The following ASIC5 variants were observed in gnomAD, a reference collection of about 807,000 sequenced individuals.
ASIC5 encodes the protein bile acid-sensitive ion channel.
A neutral mutation model predicts 51.2 loss-of-function variants in ASIC5; 52 were observed. That is an observed-to-expected ratio of 1.02 (90% CI 0.81 to 1.28). The LOEUF is 1.28. Ranked by LOEUF, ASIC5 falls within the 50% of genes most tolerant of loss-of-function variation. The pLI is 0.00. For synonymous variants in ASIC5, 231 were observed against 200.7 expected (o/e 1.15, Z -1.28); for missense variants, 635 against 595.0 (o/e 1.07, Z -0.70).
At chr4:155,856,734 T>G (rs1741551312) in intron 2 of ASIC5, among the ~76,000 whole-genome samples, 1 of 152,108 alleles carries the variant, frequency 6.6e-6, no homozygotes, top group Admixed American at 6.6e-5. Flanking sequence ...ACCTCCAAGC[T>G]ACTTCAGGTT....
intron 4 of ASIC5, among the ~76,000 whole-genome samples, chr4:155,850,559 CCT>C (rs1272296476): frequency 5.9e-5 from 9 of 151,946 alleles, no homozygotes; most frequent in Non-Finnish European, 1.0e-4. Flanking sequence ...TTGCTTAAGA[CCT>C]CTATAGTTTT....
At chr4:155,840,523 T>A (rs1231615308) in intron 6 of ASIC5, among the ~76,000 whole-genome samples, 1 of 149,834 alleles carries the variant, frequency 6.7e-6, no homozygotes, top group Non-Finnish European at 1.5e-5. Context: ...TTACTTTTAT[T>A]ATTACATTGA....
chr4:155,838,901 T>A, intron 6 of ASIC5, 32 bp from the exon 7 acceptor site: 1 of 1,266,694 alleles, frequency 7.9e-7, no homozygotes, highest in South Asian at 1.3e-5. Context: ...ATATAGAGAC[T>A]TTACATTTTG....
intron 2 of ASIC5, among the ~76,000 whole-genome samples, chr4:155,857,858 C>A (rs1174613104): frequency 1.3e-5 from 2 of 152,082 alleles, no homozygotes; most frequent in African/African-American, 4.8e-5. Context: ...CTAATGAAAC[C>A]TTTGTTGTGT....
intron 2 of ASIC5, chr4:155,855,404 T>A (rs1741508601): frequency 6.6e-6 from 1 of 152,084 alleles, no homozygotes; most frequent in Non-Finnish European, 1.5e-5. Flanking sequence ...AACGACTGTA[T>A]CACTTTCTAA....
chr4:155,847,462 C>T (rs1279274528), intron 4 of ASIC5, among the ~76,000 whole-genome samples: 1 of 152,042 alleles, frequency 6.6e-6, no homozygotes, highest in Non-Finnish European at 1.5e-5. Flanking sequence ...GAATTCACAC[C>T]TGTAATCCCA....
intron 8 of ASIC5, among the ~76,000 whole-genome samples, chr4:155,832,126 G>GCACC (rs1291597797): frequency 1.3e-5 from 2 of 152,112 alleles, no homozygotes; most frequent in African/African-American, 4.8e-5. Flanking sequence ...ATAATTTTCT[G>GCACC]CACCTCATTC....
chr4:155,850,691 G>A (rs79138499), intron 4 of ASIC5, among the ~76,000 whole-genome samples: 1 of 151,992 alleles, frequency 6.6e-6, no homozygotes, highest in African/African-American at 2.4e-5. Context: ...CCTCTTGGCT[G>A]TTTTCTTTGA....
At chr4:155,851,655 C>T (rs1055637592) in intron 4 of ASIC5, among the ~76,000 whole-genome samples, 39 of 152,064 alleles carry the variant, frequency 2.6e-4, no homozygotes, top group Non-Finnish European at 2.7e-4. Context: ...GAACATCTGC[C>T]TCCCAGGACT....
chr4:155,839,601 A>G (rs1741070774), intron 6 of ASIC5, among the ~76,000 whole-genome samples: 1 of 152,150 alleles, frequency 6.6e-6, no homozygotes, highest in African/African-American at 2.4e-5. Flanking sequence ...GTTAGCCACA[A>G]TGTTTAGTCA....
chr4:155,844,282 G>C (rs1175724615), intron 4 of ASIC5, among the ~76,000 whole-genome samples: 1 of 151,640 alleles, frequency 6.6e-6, no homozygotes, highest in Non-Finnish European at 1.5e-5. Context: ...TTCATTTGGG[G>C]GTCTGAGGTT....
rs1368087712 is a variant in ASIC5, at chr4:155,842,200, T to G, written c.1009+7A>C. On this transcript the variant is annotated splice_region_variant and intron_variant, in intron 6 of 9. Transcript: ENST00000537611. ...GTTAAGTAAGGGGGCAGTTAGTCTT[T>G]ATTTACCAGGAAGAAGAAAAGGCAC... 6.2e-7 allele frequency: 1 copy of G among 1,613,000 alleles called. No individual in the cohort carries two copies. The highest frequency in any genetic ancestry group is 1.7e-5 in the Admixed American group (1 of 59,944).
chr4:155,833,795 C>T (rs1029257905), intron 8 of ASIC5, among the ~76,000 whole-genome samples: 2 of 152,180 alleles, frequency 1.3e-5, no homozygotes, highest in Non-Finnish European at 2.9e-5. Context: ...CTCAACTTCT[C>T]TCAGGCAGTT....
chr4:155,846,616 T>C (rs532715196), intron 4 of ASIC5, among the ~76,000 whole-genome samples: 209 of 152,216 alleles, frequency 1.4e-3, no homozygotes, highest in Non-Finnish European at 2.3e-3. Context: ...TTAGGTCGTA[T>C]CTTTTTCACT....
chr4:155,838,172 T>C (rs951862486), intron 7 of ASIC5, among the ~76,000 whole-genome samples: 3 of 152,204 alleles, frequency 2.0e-5, no homozygotes, highest in African/African-American at 7.2e-5. Flanking sequence ...TAGAAGGGTA[T>C]ATATTGGGAT....
At chr4:155,834,949 C>T (rs913579061) in intron 8 of ASIC5, among the ~76,000 whole-genome samples, 5 of 152,072 alleles carry the variant, frequency 3.3e-5, no homozygotes, top group East Asian at 1.9e-4. Flanking sequence ...CCTGACTCCA[C>T]GCAAAGATCA....
At chr4:155,836,543 T>G (rs1740984045) in intron 8 of ASIC5, 146 bp downstream of exon 8, 1 of 513,552 alleles carries the variant, frequency 1.9e-6, no homozygotes, top group Non-Finnish European at 3.5e-6. Flanking sequence ...CTTTTAAAAT[T>G]CTATGGTTTC....
intron 4 of ASIC5, among the ~76,000 whole-genome samples, chr4:155,851,000 AAATATTCTATTTGT>A (rs1741369641): frequency 1.3e-5 from 2 of 152,106 alleles, no homozygotes; most frequent in African/African-American, 4.8e-5. Context: ...CAAACATACT[AAATATTCTATTTGT>A]AATTCAAAAC....
In ASIC5 at chr4:155,831,918, AG is replaced by A. The variant is rs749498129; in HGVS notation, c.1236-4del. 13 of 1,484,436 alleles carry A rather than the reference AG, an allele frequency of 8.8e-6. No homozygotes were observed. In the East Asian group the frequency reaches 3.0e-4, roughly 34 times the overall value. The allele number at this position is 1,484,436 out of a possible 1,614,324, so 92.0% of individuals were successfully genotyped here. A position where few individuals can be genotyped will look rare whatever the true frequency, so the allele number is the denominator to read the frequency against. ...TTTCAATTTTTACAAGATTCTCCCTAGGGATAAAAAAGAGAGTTAATATAGC... is the reference window on the plus strand; with the variant it reads ...TTTCAATTTTTACAAGATTCTCCCTAGGATAAAAAAGAGAGTTAATATAGC... On this transcript the variant is annotated splice_polypyrimidine_tract_variant and splice_region_variant and intron_variant, in intron 8 of 9. Coordinates refer to ENST00000537611, the MANE Select transcript of ASIC5 (RefSeq NM_017419.3).
Sources: allele counts gnomAD v4.1 joint callset (sites outside exome capture counted in the v4.1 genomes callset), GRCh38; gene constraint gnomAD v4.1.1; transcripts MANE v1.5; gene names NCBI Gene and HGNC (gene_info 2026-07-23, HGNC 2026-07-21).